Variants in HDAC9 observed in about 807,000 individuals in gnomAD.
The protein encoded by HDAC9 is MEF-2 interacting transcription repressor (MITR) protein.
Under a neutral mutation model 139.4 loss-of-function variants are expected in HDAC9, and 41 were observed. The ratio of observed to expected loss-of-function variants is 0.29; its 90% CI spans 0.23 to 0.38. The LOEUF (loss-of-function observed/expected upper bound fraction) is 0.38, where lower values mean the gene tolerates loss of function less well. Ranked by LOEUF, HDAC9 falls within the 10% of genes least tolerant of loss-of-function variation. HDAC9 has a pLI of 1.00. For synonymous variants in HDAC9, 517 were observed against 476.2 expected (o/e 1.09, Z -1.12); for missense variants, 1,147 against 1,297.0 (o/e 0.88, Z 1.78).
At chr7:18,976,460 G>C (rs1181016171) in intron 25 of HDAC9, among the ~76,000 whole-genome samples, 1 of 152,210 alleles carries the variant, frequency 6.6e-6, no homozygotes. Flanking sequence ...GGATAAAGGG[G>C]GAAGTTGCCT....
rs1281232445 is a variant in HDAC9 at position 18,954,466 on chromosome 7, GT to G, written c.3022+241del. ...TTCTCATGTATTTCAGGTATTTGGA[GT>G]TTTTACCATTATGATCACTAAGCAT... On this transcript the variant is annotated intron_variant, in intron 24 of 25. Coordinates refer to ENST00000686413, the MANE Select transcript of HDAC9 (RefSeq NM_178425.4). The G allele has an allele frequency of 1.4e-4, 62 of 436,608 alleles. No individual in the cohort carries two copies. The South Asian group carries it at 1.9e-3, about 14-fold the overall frequency. 27.0% of individuals were successfully genotyped at this position (436,608 alleles called of 1,614,324 possible).
At chr7:18,604,508 G>A (rs1562540395) in intron 6 of HDAC9, among the ~76,000 whole-genome samples, 1 of 151,300 alleles carries the variant, frequency 6.6e-6, no homozygotes, top group African/African-American at 2.4e-5. Flanking sequence ...CTGGGTTCAC[G>A]CCATTCTCCT....
chr7:18,392,871 G>A (rs1391258137), intron 1 of HDAC9, among the ~76,000 whole-genome samples: 1 of 124,630 alleles, frequency 8.0e-6, no homozygotes, highest in African/African-American at 3.0e-5. Flanking sequence ...GACATTCAGA[G>A]TTAACAGTTC....
intron 1 of HDAC9, among the ~76,000 whole-genome samples, chr7:18,460,672 C>A (rs1201435235): frequency 6.6e-6 from 1 of 151,486 alleles, no homozygotes; most frequent in African/African-American, 2.4e-5. Context: ...TAATCAATCC[C>A]AGCTACTCGG....
chr7:18,578,313 C>G (rs551810795), intron 2 of HDAC9: 7 of 487,460 alleles, frequency 1.4e-5, no homozygotes, highest in South Asian at 1.0e-4. Context: ...GACCCCTTCA[C>G]ACATGTTAGC....
intron 2 of HDAC9, among the ~76,000 whole-genome samples, chr7:18,521,234 C>G (rs1319488808): frequency 6.6e-6 from 1 of 152,088 alleles, no homozygotes; most frequent in Non-Finnish European, 1.5e-5. Flanking sequence ...TCTTGGATGT[C>G]TTGCTTTTTG....
chr7:18,484,789 G>T (rs1795845230), intron 1 of HDAC9, among the ~76,000 whole-genome samples: 2 of 151,808 alleles, frequency 1.3e-5, no homozygotes, highest in Admixed American at 1.3e-4. Flanking sequence ...GGAGTTTGAG[G>T]CTTTAGTAAA....
Position 18,187,859 on chromosome 7 carries a change from G to C in HDAC9, c.25+25510G>C, listed in dbSNP as rs552584527. ...CAAACCATATTTTCAGCCTTCTTCA[G>C]TGTGCTTCTTCCTGTGCACAAAATT... On this transcript the variant is annotated intron_variant, in intron 2 of 12. Coordinates refer to the HDAC9 transcript ENST00000417496. 5.9e-5 allele frequency among the ~76,000 whole-genome samples: 9 copies of C among 152,264 alleles called. No homozygotes were observed. The East Asian group carries it at 1.7e-3, about 29-fold the overall frequency.
intron 11 of HDAC9, 107 bp from the exon 12 acceptor site, chr7:18,666,106 A>G (rs796101650): frequency 2.0e-5 from 24 of 1,197,374 alleles, no homozygotes; most frequent in African/African-American, 9.2e-5. Flanking sequence ...TTTATGTTCA[A>G]TGATTAGAAA....
At chr7:18,413,570 GCT>G (rs983352042) in intron 1 of HDAC9, among the ~76,000 whole-genome samples, 1 of 152,086 alleles carries the variant, frequency 6.6e-6, no homozygotes, top group African/African-American at 2.4e-5. Context: ...TATGTCGGAA[GCT>G]CTGATTTGCC....
chr7:18,920,303 T>A (rs1264198086), intron 22 of HDAC9, among the ~76,000 whole-genome samples: 1 of 152,072 alleles, frequency 6.6e-6, no homozygotes, highest in Non-Finnish European at 1.5e-5. Flanking sequence ...CTGTCTGTTG[T>A]TGGTGTATAA....
At chr7:18,272,592 C>T (rs1398650709) in intron 2 of HDAC9, among the ~76,000 whole-genome samples, 2 of 151,942 alleles carry the variant, frequency 1.3e-5, no homozygotes, top group African/African-American at 2.4e-5. Context: ...AAAGAAACCT[C>T]GAAGTAGGCC....
intron 12 of HDAC9, among the ~76,000 whole-genome samples, chr7:18,681,553 C>A (rs1358107234): frequency 6.6e-6 from 1 of 151,900 alleles, no homozygotes; most frequent in Non-Finnish European, 1.5e-5. Flanking sequence ...GCAATAAGGA[C>A]TTCTGCCTAA....
At chr7:18,642,246 G>C (rs1785876839) in intron 8 of HDAC9, among the ~76,000 whole-genome samples, 1 of 146,844 alleles carries the variant, frequency 6.8e-6, no homozygotes, top group Non-Finnish European at 1.5e-5. Flanking sequence ...AAAGTCACCG[G>C]AGCTTTTTTC....
chr7:18,952,133 A>G (rs1225008688), intron 23 of HDAC9, among the ~76,000 whole-genome samples: 1 of 151,996 alleles, frequency 6.6e-6, no homozygotes, highest in Non-Finnish European at 1.5e-5. Context: ...ATGCAGGGAA[A>G]TGGTTTGGGA....
intron 2 of HDAC9, among the ~76,000 whole-genome samples, chr7:18,169,362 T>C (rs1788243037): frequency 6.6e-6 from 1 of 152,204 alleles, no homozygotes; most frequent in African/African-American, 2.4e-5. Flanking sequence ...CTTTAGTCTA[T>C]AGATTTACAG....
chr7:18,264,333 C>T lies in HDAC9; in HGVS notation c.25+101984C>T, dbSNP rs114496536. Among the ~76,000 whole-genome samples the T allele has an allele frequency of 6.6e-3, 1,006 of 151,894 alleles. 11 individuals carry two copies. Among genetic ancestry groups the T allele is most frequent in the African/African-American group, 0.023 (948 of 41,392 alleles). ...GCATGCAAAGTATATTCTCCAACTACAATGGAATGAAATTAGAAATTAAAA... is the reference window on the plus strand; with the variant it reads ...GCATGCAAAGTATATTCTCCAACTATAATGGAATGAAATTAGAAATTAAAA... On this transcript the variant is annotated intron_variant, in intron 2 of 12. Coordinates refer to the HDAC9 transcript ENST00000417496.
chr7:18,538,319 A>G (rs1358550869), intron 2 of HDAC9, among the ~76,000 whole-genome samples: 1 of 152,228 alleles, frequency 6.6e-6, no homozygotes, highest in African/African-American at 2.4e-5. Flanking sequence ...GCCTTGTGAA[A>G]TAAACATACT....
At chr7:18,641,098 T>G (rs1785460999) in intron 8 of HDAC9, among the ~76,000 whole-genome samples, 1 of 152,112 alleles carries the variant, frequency 6.6e-6, no homozygotes, top group Non-Finnish European at 1.5e-5. Flanking sequence ...CCAGTGTCCC[T>G]TCTGGAAGAC....
Sources: allele counts gnomAD v4.1 joint callset (sites outside exome capture counted in the v4.1 genomes callset), GRCh38; gene constraint gnomAD v4.1.1; transcripts MANE v1.5; gene names NCBI Gene and HGNC (gene_info 2026-07-23, HGNC 2026-07-21).